ANO4: variants seen among roughly 807,000 people sequenced by gnomAD.
ANO4 encodes the protein anoctamin 4.
ANO4 carries 69 observed loss-of-function variants against 141.9 expected under a neutral mutation model. The ratio of observed to expected loss-of-function variants is 0.49; its 90% CI spans 0.40 to 0.59. ANO4 has a LOEUF of 0.59. ANO4 is among the 20% of genes least tolerant of loss of function. The pLI, the probability that ANO4 is intolerant of heterozygous loss-of-function variation, is 0.00. For synonymous variants in ANO4, 350 were observed against 394.3 expected, an observed-to-expected ratio of 0.89 and a Z score of 1.33; for missense variants, 894 against 1,162.2, an observed-to-expected ratio of 0.77 and a Z score of 3.36.
At chr12:100,896,118 G>T (rs745909063) in intron 1 of ANO4, among the ~76,000 whole-genome samples, 5 of 152,122 alleles carry the variant, frequency 3.3e-5, no homozygotes, top group Non-Finnish European at 7.3e-5. Context: ...GCCCACTGTG[G>T]TGGGCTGATA....
intron 3 of ANO4, among the ~76,000 whole-genome samples, chr12:100,930,454 T>C (rs948597544): frequency 1.3e-5 from 2 of 152,206 alleles, no homozygotes; most frequent in African/African-American, 4.8e-5. Context: ...TTCTCCAATG[T>C]ATGTTCTTGG....
intron 3 of ANO4, among the ~76,000 whole-genome samples, chr12:100,936,659 C>T (rs954396018): frequency 4.6e-5 from 7 of 152,122 alleles, no homozygotes; most frequent in African/African-American, 1.7e-4. Context: ...TCTCACACCC[C>T]GTCCTAAACC....
At chr12:100,910,847 G>A (rs982166653) in intron 2 of ANO4, among the ~76,000 whole-genome samples, 9 of 152,022 alleles carry the variant, frequency 5.9e-5, no homozygotes, top group African/African-American at 9.7e-5. Context: ...ATGTTTTGCC[G>A]ATATGTGTTA....
intron 5 of ANO4, among the ~76,000 whole-genome samples, chr12:100,970,726 C>CT (rs1271300055): frequency 8.5e-6 from 1 of 117,946 alleles, no homozygotes; most frequent in Non-Finnish European, 1.7e-5. Flanking sequence ...TCCTTCCTTC[C>CT]TTCTTTCTTT....
At chr12:101,092,066 G>C (rs1467857004) in intron 17 of ANO4, among the ~76,000 whole-genome samples, 1 of 152,056 alleles carries the variant, frequency 6.6e-6, no homozygotes, top group African/African-American at 2.4e-5. Flanking sequence ...TGCTTCACTA[G>C]TGACCGAAAA....
At chr12:100,830,383 A>G (rs1404454785) in intron 1 of ANO4, among the ~76,000 whole-genome samples, 1 of 152,092 alleles carries the variant, frequency 6.6e-6, no homozygotes, top group Non-Finnish European at 1.5e-5. Flanking sequence ...TTTGCCTGAG[A>G]AGATGAATGA....
At chr12:100,813,012 A>G (rs183602380) in intron 1 of ANO4, among the ~76,000 whole-genome samples, 1 of 152,280 alleles carries the variant, frequency 6.6e-6, no homozygotes, top group Non-Finnish European at 1.5e-5. Flanking sequence ...AGCTTTGAAA[A>G]TTGTTTTTTA....
chr12:101,058,823 C>G (rs1343318296), intron 14 of ANO4, among the ~76,000 whole-genome samples: 1 of 152,216 alleles, frequency 6.6e-6, no homozygotes, highest in Non-Finnish European at 1.5e-5. Flanking sequence ...GACAATTCGA[C>G]TTCCTCTTTT....
chr12:100,915,607 G>A (rs920309228), intron 2 of ANO4, among the ~76,000 whole-genome samples: 2 of 152,080 alleles, frequency 1.3e-5, no homozygotes, highest in African/African-American at 4.8e-5. Context: ...TTTTTAAAGT[G>A]GAATTGTTTT....
intron 3 of ANO4, among the ~76,000 whole-genome samples, chr12:100,780,828 G>A (rs2033689952): frequency 6.6e-6 from 1 of 152,184 alleles, no homozygotes; most frequent in Admixed American, 6.5e-5. Flanking sequence ...ACAGGTGTGA[G>A]CCTCTGTGCC....
intron 14 of ANO4, among the ~76,000 whole-genome samples, chr12:101,073,506 G>T (rs1450969094): frequency 6.6e-6 from 1 of 150,982 alleles, no homozygotes; most frequent in African/African-American, 2.4e-5. Flanking sequence ...AACCAACATG[G>T]CACATGTATA....
chr12:100,957,671 A>T (rs1443386988), intron 5 of ANO4, among the ~76,000 whole-genome samples: 1 of 152,108 alleles, frequency 6.6e-6, no homozygotes, highest in Non-Finnish European at 1.5e-5. Flanking sequence ...GCTCACTGCA[A>T]ACTCCACCTC....
chr12:100,892,126 C>T (rs1327908508), intron 1 of ANO4, among the ~76,000 whole-genome samples: 1 of 152,136 alleles, frequency 6.6e-6, no homozygotes, highest in South Asian at 2.1e-4. Context: ...AATATATCCA[C>T]CACACATTTT....
At chr12:100,754,097 A>G (rs941406891) in intron 3 of ANO4, among the ~76,000 whole-genome samples, 2 of 152,210 alleles carry the variant, frequency 1.3e-5, no homozygotes, top group Non-Finnish European at 2.9e-5. Flanking sequence ...GCCAGGTTCT[A>G]TGCTAAGAAC....
chr12:100,789,577 A>G (rs2033975724), intron 3 of ANO4, among the ~76,000 whole-genome samples: 2 of 152,224 alleles, frequency 1.3e-5, no homozygotes, highest in Admixed American at 1.3e-4. Context: ...GATAAGCGGG[A>G]CAAGTTTTAT....
chr12:101,106,596 A>T (rs1333593546), intron 22 of ANO4, among the ~76,000 whole-genome samples: 2 of 118,926 alleles, frequency 1.7e-5, no homozygotes, highest in Non-Finnish European at 3.5e-5. Context: ...TATATATATA[A>T]ATGAACTGGA....
chr12:100,783,608 A>G (rs996840266), intron 3 of ANO4, among the ~76,000 whole-genome samples: 1 of 152,164 alleles, frequency 6.6e-6, no homozygotes, highest in African/African-American at 2.4e-5. Context: ...TAAGTATTTA[A>G]TCAGGAAAGG....
At position 100,756,556 on chromosome 12, in the gene ANO4, G is replaced by A. The variant is rs138909185; in HGVS notation, c.358+16451G>A. 3.8e-3 allele frequency among the ~76,000 whole-genome samples: 578 copies of A among 152,132 alleles called. 5 individuals carry two copies. The highest frequency in any genetic ancestry group is 0.013 in the African/African-American group (554 of 41,484). On this transcript the variant is annotated intron_variant, in intron 3 of 29. Coordinates refer to the ANO4 transcript ENST00000644049. ...GTAGAGATGGGGTTTCTCTATGTTGGCCAGGCTGGCTTCGAACTCCTGACC... is the reference window on the plus strand; with the variant it reads ...GTAGAGATGGGGTTTCTCTATGTTGACCAGGCTGGCTTCGAACTCCTGACC...
chr12:100,806,271 G>A (rs893916778), intron 1 of ANO4, among the ~76,000 whole-genome samples: 2 of 151,990 alleles, frequency 1.3e-5, no homozygotes, highest in African/African-American at 4.8e-5. Flanking sequence ...ACAGAAGTGC[G>A]CCAGTTTATA....
Sources: allele counts gnomAD v4.1 joint callset (sites outside exome capture counted in the v4.1 genomes callset), GRCh38; gene constraint gnomAD v4.1.1; transcripts MANE v1.5; gene names NCBI Gene and HGNC (gene_info 2026-07-23, HGNC 2026-07-21).